Variants in ARHGAP40 observed in about 807,000 individuals in gnomAD.
ARHGAP40 encodes the protein Rho GTPase activating protein 40, also known as rho GTPase-activating protein 40.
A neutral mutation model predicts 73.5 loss-of-function variants in ARHGAP40; 43 were observed. That is an observed-to-expected ratio of 0.58 (90% CI 0.46 to 0.75). ARHGAP40 has a LOEUF of 0.75. Ranked by LOEUF, ARHGAP40 falls within the 30% of genes least tolerant of loss-of-function variation. The pLI, the probability that ARHGAP40 is intolerant of heterozygous loss-of-function variation, is 0.00. For missense variants in ARHGAP40, 734 were observed against 861.8 expected (o/e 0.85, Z 1.86); for synonymous variants, 300 against 352.8 (o/e 0.85, Z 1.68).
At chr20:38,643,349 A>G (rs2089030940) in intron 10 of ARHGAP40, among the ~76,000 whole-genome samples, 1 of 152,166 alleles carries the variant, frequency 6.6e-6, no homozygotes, top group Admixed American at 6.5e-5. Flanking sequence ...CATTTTGGGT[A>G]GACCCAGACT....
intron 5 of ARHGAP40, among the ~76,000 whole-genome samples, chr20:38,630,411 G>T (rs2088931732): frequency 6.6e-6 from 1 of 151,770 alleles, no homozygotes; most frequent in Admixed American, 6.6e-5. Flanking sequence ...TTTAGAGTTA[G>T]GTTCTTCCTA....
chr20:38,647,201 AG>A, intron 13 of ARHGAP40, 75 bp downstream of exon 13: 34 of 1,218,866 alleles, frequency 2.8e-5, no homozygotes, highest in Non-Finnish European at 3.6e-5. Flanking sequence ...GAAGGCCACC[AG>A]GGGGTTACAC....
chr20:38,617,219 C>T (rs1240089988), intron 1 of ARHGAP40, among the ~76,000 whole-genome samples: 3 of 152,192 alleles, frequency 2.0e-5, no homozygotes, highest in Admixed American at 1.3e-4. Context: ...CCCGATGGCC[C>T]GCATTCTTGC....
intron 1 of ARHGAP40, among the ~76,000 whole-genome samples, chr20:38,605,172 C>G (rs978960185): frequency 2.6e-5 from 4 of 152,296 alleles, no homozygotes; most frequent in Middle Eastern, 3.4e-3. Context: ...CCACAGCTCT[C>G]CAGCACTGGC....
At chr20:38,635,978 G>C (rs939348775) in intron 6 of ARHGAP40, among the ~76,000 whole-genome samples, 3 of 152,138 alleles carry the variant, frequency 2.0e-5, no homozygotes, top group Non-Finnish European at 4.4e-5. Flanking sequence ...CCTGGGACCA[G>C]CTGGCTGTCT....
At chr20:38,612,698 TAAGAA>T (rs2088811091) in intron 1 of ARHGAP40, among the ~76,000 whole-genome samples, 1 of 145,050 alleles carries the variant, frequency 6.9e-6, no homozygotes, top group Admixed American at 6.9e-5. Flanking sequence ...AGAAAAGAGA[TAAGAA>T]AAGAAAAGGA....
intron 11 of ARHGAP40, 142 bp from the exon 12 acceptor site, chr20:38,645,905 C>A: frequency 1.3e-6 from 1 of 786,556 alleles, no homozygotes; most frequent in Non-Finnish European, 1.7e-6. Flanking sequence ...CCAGTGCTTC[C>A]GTCCCGTGTC....
chr20:38,625,585 A>T (rs1003531343), intron 2 of ARHGAP40, among the ~76,000 whole-genome samples: 3 of 151,900 alleles, frequency 2.0e-5, no homozygotes, highest in Non-Finnish European at 4.4e-5. Flanking sequence ...CACCCGTCTA[A>T]TTTTCGTATT....
intron 1 of ARHGAP40, among the ~76,000 whole-genome samples, chr20:38,613,147 A>T (rs909073079): frequency 9.9e-5 from 15 of 152,218 alleles, no homozygotes; most frequent in Admixed American, 8.5e-4. Context: ...CAAGCTATTT[A>T]AAAGGTGTGA....
At chr20:38,617,800 A>G (rs2145598637) in intron 1 of ARHGAP40, among the ~76,000 whole-genome samples, 1 of 152,328 alleles carries the variant, frequency 6.6e-6, no homozygotes. Context: ...TCAGATAGGA[A>G]GAGTCCAGAA....
chr20:38,640,221 T>TC (rs1266887316), intron 9 of ARHGAP40, among the ~76,000 whole-genome samples: 22 of 149,494 alleles, frequency 1.5e-4, no homozygotes, highest in African/African-American at 5.4e-4. Flanking sequence ...TTTCTTTCTT[T>TC]TTTTTTTTTT....
chr20:38,614,838 G>T, intron 1 of ARHGAP40: 1 of 806,244 alleles, frequency 1.2e-6, no homozygotes, highest in Non-Finnish European at 2.1e-6. Flanking sequence ...TGTCTCTAGA[G>T]CTCCAGAACC....
rs146143595 is a variant in ARHGAP40, at chr20:38,611,764, T to C, written c.137+9685T>C. Among the ~76,000 whole-genome samples, 580 of 150,966 alleles carry C rather than the reference T, an allele frequency of 3.8e-3. 3 individuals carry two copies. The highest frequency in any genetic ancestry group is 6.4e-3 in the Non-Finnish European group (433 of 67,780). On this transcript the variant is annotated intron_variant, in intron 1 of 14. Coordinates refer to ENST00000373345, the Ensembl canonical transcript of ARHGAP40. ...TTTTTTTGTGTGTTTTTAGTAGAGA[T>C]AGGGTTTCACTGTGTTAGCCAGGAT...
chr20:38,603,839 C>G (rs1053879090), intron 1 of ARHGAP40, among the ~76,000 whole-genome samples: 3 of 152,196 alleles, frequency 2.0e-5, no homozygotes, highest in African/African-American at 7.2e-5. Context: ...AAAGGCAGCT[C>G]TGTAACATCT....
chr20:38,606,973 C>G (rs1601131353), intron 1 of ARHGAP40, among the ~76,000 whole-genome samples: 1 of 152,164 alleles, frequency 6.6e-6, no homozygotes, highest in Admixed American at 6.5e-5. Context: ...CCTTTCTGAG[C>G]CTTGGTTCCT....
At chr20:38,613,002 C>T (rs774029314) in intron 1 of ARHGAP40, among the ~76,000 whole-genome samples, 1 of 152,360 alleles carries the variant, frequency 6.6e-6, no homozygotes, top group African/African-American at 2.4e-5. Context: ...AAGAGGCAGC[C>T]ACCACTTGGC....
intron 7 of ARHGAP40, among the ~76,000 whole-genome samples, chr20:38,638,259 G>A (rs2088990646): frequency 2.0e-5 from 3 of 152,002 alleles, no homozygotes; most frequent in Non-Finnish European, 2.9e-5. Flanking sequence ...AGCTTGCAGT[G>A]AGCCGAGATC....
At chr20:38,640,359 G>C (rs375704397) in intron 9 of ARHGAP40, among the ~76,000 whole-genome samples, 6 of 151,556 alleles carry the variant, frequency 4.0e-5, no homozygotes, top group South Asian at 2.1e-4. Flanking sequence ...TAAGAATATA[G>C]GCACATGAGA....
chr20:38,608,850 C>A (rs1165339792), intron 1 of ARHGAP40, among the ~76,000 whole-genome samples: 1 of 152,116 alleles, frequency 6.6e-6, no homozygotes, highest in Non-Finnish European at 1.5e-5. Flanking sequence ...TGGAGGCTCT[C>A]GGGGACAATC....
Sources: allele counts gnomAD v4.1 joint callset (sites outside exome capture counted in the v4.1 genomes callset), GRCh38; gene constraint gnomAD v4.1.1; transcripts MANE v1.5; gene names NCBI Gene and HGNC (gene_info 2026-07-23, HGNC 2026-07-21).